Variants in ACOT12 observed in about 807,000 individuals in gnomAD.
ACOT12 encodes acetyl-coenzyme A thioesterase.
A neutral mutation model predicts 67.7 loss-of-function variants in ACOT12; 51 were observed. The observed-to-expected ratio is 0.75, with a 90% CI of 0.60 to 0.95. The LOEUF (loss-of-function observed/expected upper bound fraction) is 0.95. ACOT12 is among the 40% of genes least tolerant of loss of function. ACOT12 has a pLI of 0.00. For synonymous variants in ACOT12, 251 were observed against 244.6 expected (o/e 1.03, Z -0.24); for missense variants, 734 against 708.1 (o/e 1.04, Z -0.41).
intron 12 of ACOT12, among the ~76,000 whole-genome samples, chr5:81,333,829 C>T (rs769973187): frequency 2.6e-5 from 4 of 152,140 alleles, no homozygotes; most frequent in African/African-American, 9.7e-5. Context: ...AGGGCTCCAC[C>T]CTCGGGCCTG....
chr5:81,351,753 C>A (rs773748372), intron 5 of ACOT12, among the ~76,000 whole-genome samples: 2 of 152,054 alleles, frequency 1.3e-5, no homozygotes, highest in Admixed American at 1.3e-4. Context: ...AATCAACAAA[C>A]GGAATCACAT....
At chr5:81,335,983 T>A in intron 11 of ACOT12, 82 bp from the exon 12 acceptor site, 1 of 1,396,670 alleles carries the variant, frequency 7.2e-7, no homozygotes, top group Non-Finnish European at 9.7e-7. Flanking sequence ...TATGTAGTCA[T>A]AGACCAATTG....
the ACOT12 span, among the ~76,000 whole-genome samples, chr5:81,309,497 T>A: frequency 1.3e-5 from 2 of 152,244 alleles, no homozygotes; most frequent in South Asian, 2.1e-4. Context: ...ATCATGTAGC[T>A]TTTTTCTCTT....
chr5:81,361,077 C>CAAAAAAAAAAAAAAAAAAAAAAAAAA (rs71000820), intron 4 of ACOT12, among the ~76,000 whole-genome samples: 1 of 52,636 alleles, frequency 1.9e-5, no homozygotes, highest in African/African-American at 8.3e-5. Context: ...GACTCCATCT[C>CAAAAAAAAAAAAAAAAAAAAAAAAAA]AAAAAAAAAA....
At position 81,332,679 on chromosome 5, in the gene ACOT12, A is replaced by G. The variant is rs767436362; in HGVS notation, c.1263-74T>C. ...GCATTCACTTCCCTTATTTGCTTAC[A>G]TAATCTCATTATTTGTATCCATATT... On this transcript the variant is annotated intron_variant, in intron 12 of 14. Coordinates refer to ENST00000307624, the MANE Select transcript of ACOT12 (RefSeq NM_130767.3). The G allele has an allele frequency of 1.7e-4, 269 of 1,567,052 alleles. 3 individuals carry two copies. The highest frequency in any genetic ancestry group is 4.6e-4 in the Admixed American group (27 of 59,326).
At chr5:81,363,496 T>G (rs1350157659) in intron 4 of ACOT12, among the ~76,000 whole-genome samples, 1 of 152,216 alleles carries the variant, frequency 6.6e-6, no homozygotes, top group Non-Finnish European at 1.5e-5. Flanking sequence ...GTAGGCAGTA[T>G]TTTAAAGAAA....
At chr5:81,386,365 A>G (rs1760725446) in intron 1 of ACOT12, among the ~76,000 whole-genome samples, 1 of 152,188 alleles carries the variant, frequency 6.6e-6, no homozygotes, top group South Asian at 2.1e-4. Flanking sequence ...GTCAATATTT[A>G]TTTTATTATT....
At chr5:81,365,729 T>C (rs1403730579) in intron 3 of ACOT12, among the ~76,000 whole-genome samples, 1 of 152,210 alleles carries the variant, frequency 6.6e-6, no homozygotes, top group Admixed American at 6.5e-5. Flanking sequence ...CACAGGACTG[T>C]GATCCCCAAG....
At chr5:81,382,993 G>T (rs1411597258) in intron 2 of ACOT12, among the ~76,000 whole-genome samples, 2 of 152,150 alleles carry the variant, frequency 1.3e-5, no homozygotes, top group African/African-American at 4.8e-5. Context: ...AAGAAGAAAT[G>T]ATAGAATTAG....
the ACOT12 span, among the ~76,000 whole-genome samples, chr5:81,320,762 A>G: frequency 6.6e-6 from 1 of 152,252 alleles, no homozygotes; most frequent in African/African-American, 2.4e-5. Flanking sequence ...TTTGGGAATT[A>G]TTAGAGAAAA....
At chr5:81,390,433 G>T (rs1362830134) in intron 1 of ACOT12, among the ~76,000 whole-genome samples, 1 of 151,144 alleles carries the variant, frequency 6.6e-6, no homozygotes, top group Non-Finnish European at 1.5e-5. Flanking sequence ...TTACCATTTG[G>T]CTTTTAAAAA....
At chr5:81,393,949 C>G (rs1760934995) in intron 1 of ACOT12, 39 bp downstream of exon 1, 1 of 1,304,276 alleles carries the variant, frequency 7.7e-7, no homozygotes, top group South Asian at 2.3e-5. Flanking sequence ...TCCCGCAGCC[C>G]CGGTCCCGCG....
At chr5:81,341,652 T>C (rs56921966) in intron 11 of ACOT12, among the ~76,000 whole-genome samples, 3,252 of 152,190 alleles carry the variant, frequency 0.021, 124 homozygotes, top group African/African-American at 0.075. Flanking sequence ...ATGGTCTGGG[T>C]GTAGTGGTGA....
At chr5:81,347,958 T>G in intron 5 of ACOT12, 28 bp from the exon 6 acceptor site, 1 of 1,605,752 alleles carries the variant, frequency 6.2e-7, no homozygotes, top group Non-Finnish European at 8.5e-7. Context: ...ACATTAATGA[T>G]GGTGGAGTGA....
chr5:81,359,839 A>G (rs984775913), intron 5 of ACOT12, 64 bp downstream of exon 5: 7 of 1,512,640 alleles, frequency 4.6e-6, no homozygotes, highest in Admixed American at 2.1e-5. Flanking sequence ...AGTGTGCTCT[A>G]AGAAAAGACT....
intron 2 of ACOT12, among the ~76,000 whole-genome samples, chr5:81,383,191 A>G (rs1760635358): frequency 6.6e-6 from 1 of 152,130 alleles, no homozygotes; most frequent in Non-Finnish European, 1.5e-5. Context: ...CAGCCTGGCC[A>G]ACATGGCAAA....
At chr5:81,361,331 A>G (rs188616322) in intron 4 of ACOT12, among the ~76,000 whole-genome samples, 42 of 151,498 alleles carry the variant, frequency 2.8e-4, no homozygotes, top group Admixed American at 6.6e-4. Context: ...TCTCAGTAGG[A>G]TTGCAGGCAA....
downstream of ACOT12, among the ~76,000 whole-genome samples, chr5:81,326,672 A>G (rs1758681773): frequency 6.6e-6 from 1 of 152,218 alleles, no homozygotes; most frequent in South Asian, 2.1e-4. Context: ...TTTTTGAGCA[A>G]GTAGCGAGCA....
intron 3 of ACOT12, 51 bp from the exon 4 acceptor site, chr5:81,363,940 A>G (rs944310272): frequency 5.2e-6 from 7 of 1,351,028 alleles, no homozygotes; most frequent in Non-Finnish European, 6.9e-6. Context: ...TTCAGATTTC[A>G]GCATTCAAAA....
Sources: gnomAD v4.1 joint callset for allele counts (sites outside exome capture counted in the v4.1 genomes callset) on GRCh38, gnomAD v4.1.1 for gene constraint, MANE v1.5 for transcripts, NCBI Gene and HGNC (gene_info 2026-07-23, HGNC 2026-07-21) for gene names.